Variants in PCDH11Y observed in about 807,000 individuals in gnomAD.
PCDH11Y encodes protocadherin-11 Y-linked.
For missense variants in PCDH11Y, 12 were observed against 224.8 expected (o/e 0.05, Z 6.05); for synonymous variants, 9 against 83.6 (o/e 0.11, Z 4.87).
intron 2 of PCDH11Y, among the ~76,000 whole-genome samples, chrY:5,276,966 AGTT>A (rs2053045153): frequency 9.2e-5 from 1 of 10,815 alleles, no homozygotes; most frequent in African/African-American, 3.6e-4. Flanking sequence ...GAATGGATAA[AGTT>A]GTGCTGATTT....
At chrY:5,688,406 AATTT>A (rs2053565453) in intron 4 of PCDH11Y, among the ~76,000 whole-genome samples, 2 of 31,448 alleles carry the variant, frequency 6.4e-5, no homozygotes, top group Admixed American at 5.9e-4. Context: ...TGGCCTTAGA[AATTT>A]ATTTAACCTC....
At chrY:5,456,595 T>C (rs2053298512) in intron 2 of PCDH11Y, among the ~76,000 whole-genome samples, 1 of 33,519 alleles carries the variant, frequency 3.0e-5, no homozygotes, top group Admixed American at 2.7e-4. Context: ...AAACAGTGGA[T>C]TGGTTAAAGA....
chrY:5,320,987 C>A (rs2053112099), intron 2 of PCDH11Y, among the ~76,000 whole-genome samples: 1 of 32,617 alleles, frequency 3.1e-5, no homozygotes, highest in Non-Finnish European at 7.5e-5. Flanking sequence ...GGCCCTAAGT[C>A]AAGTGTATGT....
chrY:5,039,288 A>G, intron 3 of PCDH11Y, among the ~76,000 whole-genome samples: 1 of 33,088 alleles, frequency 3.0e-5, no homozygotes, highest in Non-Finnish European at 7.4e-5. Flanking sequence ...CCTGATGCAA[A>G]GTAATTTCAT....
At chrY:5,721,966 G>A in intron 4 of PCDH11Y, among the ~76,000 whole-genome samples, 1 of 33,074 alleles carries the variant, frequency 3.0e-5, no homozygotes, top group Non-Finnish European at 7.6e-5. Flanking sequence ...AAAACTAACT[G>A]TGAGAGGGCT....
intron 2 of PCDH11Y, among the ~76,000 whole-genome samples, chrY:5,412,621 G>A: frequency 3.0e-5 from 1 of 33,112 alleles, no homozygotes; most frequent in Non-Finnish European, 7.4e-5. Context: ...GCCTAGTTTG[G>A]TGAGTGTTTC....
intron 4 of PCDH11Y, among the ~76,000 whole-genome samples, chrY:5,638,147 C>T (rs2053520165): frequency 1.2e-4 from 3 of 25,039 alleles, no homozygotes; most frequent in African/African-American, 3.1e-4. Flanking sequence ...TTAGTAGAGA[C>T]GGGGATTCAC....
At chrY:5,499,864 A>G (rs185597746) in intron 2 of PCDH11Y, among the ~76,000 whole-genome samples, 11 of 32,224 alleles carry the variant, frequency 3.4e-4, no homozygotes, top group African/African-American at 9.6e-4. Context: ...TACAGCAGAT[A>G]TAGCTATTTC....
exon 2 of PCDH11Y, chrY:5,099,928 A>C: frequency 2.5e-6 from 1 of 393,967 alleles, no homozygotes; most frequent in Non-Finnish European, 3.5e-6. Context: ...AGTGTTGGTC[A>C]AAGCTAATGA....
chrY:5,326,331 C>G (rs1238077950), intron 2 of PCDH11Y, among the ~76,000 whole-genome samples: 2 of 32,033 alleles, frequency 6.2e-5, no homozygotes, highest in South Asian at 1.5e-3. Flanking sequence ...GGCAAATCCT[C>G]GAGCTTGATG....
At chrY:5,536,763 A>G (rs1344018304) in intron 3 of PCDH11Y, among the ~76,000 whole-genome samples, 1 of 31,483 alleles carries the variant, frequency 3.2e-5, no homozygotes, top group East Asian at 8.3e-4. Context: ...ATGAGGATCC[A>G]GTTTCATTCT....
intron 2 of PCDH11Y, among the ~76,000 whole-genome samples, chrY:5,460,264 C>A: frequency 9.1e-5 from 3 of 32,893 alleles, no homozygotes; most frequent in Non-Finnish European, 2.3e-4. Context: ...TTCATCAACT[C>A]ATATGACAGA....
intron 4 of PCDH11Y, among the ~76,000 whole-genome samples, chrY:5,593,497 A>T: frequency 3.1e-5 from 1 of 32,332 alleles, no homozygotes; most frequent in Non-Finnish European, 7.5e-5. Context: ...CATATTCTGA[A>T]TTCAATTTCT....
intron 2 of PCDH11Y, among the ~76,000 whole-genome samples, chrY:5,325,458 G>A (rs2053118164): frequency 3.1e-5 from 1 of 32,206 alleles, no homozygotes; most frequent in African/African-American, 1.2e-4. Flanking sequence ...AACATTTGTC[G>A]TATAGAATGA....
At chrY:5,663,579 A>G (rs2053542634) in intron 4 of PCDH11Y, among the ~76,000 whole-genome samples, 1 of 33,324 alleles carries the variant, frequency 3.0e-5, no homozygotes, top group Non-Finnish European at 7.4e-5. Flanking sequence ...GCCTTTGGAG[A>G]ATACAAGAGA....
intron 2 of PCDH11Y, among the ~76,000 whole-genome samples, chrY:5,324,876 C>G: frequency 3.2e-5 from 1 of 31,598 alleles, no homozygotes; most frequent in Non-Finnish European, 7.6e-5. Flanking sequence ...GGGCTGAGTC[C>G]GAAAAGAGAG....
chrY:5,404,476 T>C, intron 2 of PCDH11Y, among the ~76,000 whole-genome samples: 1 of 33,357 alleles, frequency 3.0e-5, no homozygotes, highest in East Asian at 7.9e-4. Flanking sequence ...GTATGTATAT[T>C]AGGGATGATC....
intron 4 of PCDH11Y, among the ~76,000 whole-genome samples, chrY:5,729,094 T>A: frequency 3.0e-5 from 1 of 33,449 alleles, no homozygotes; most frequent in South Asian, 6.5e-4. Context: ...AGTGCATGTG[T>A]CTTTTTGGTA....
intron 2 of PCDH11Y, among the ~76,000 whole-genome samples, chrY:5,457,478 TG>T: frequency 5.9e-5 from 2 of 33,634 alleles, no homozygotes; most frequent in East Asian, 1.6e-3. Flanking sequence ...AATTCAGACT[TG>T]CTTTCAGAAT....
Sources: gnomAD v4.1 joint callset for allele counts (sites outside exome capture counted in the v4.1 genomes callset) on GRCh38, gnomAD v4.1.1 for gene constraint, MANE v1.5 for transcripts, NCBI Gene and HGNC (gene_info 2026-07-23, HGNC 2026-07-21) for gene names.